Variants in PON3 observed in about 807,000 individuals in gnomAD.
The protein encoded by PON3 is paraoxonase 3.
Under a neutral mutation model 36.3 loss-of-function variants are expected in PON3, and 37 were observed. The ratio of observed to expected loss-of-function variants is 1.02; its 90% CI spans 0.78 to 1.34. PON3 has a LOEUF of 1.34. Among genes scored for constraint, PON3 ranks in the 40% most tolerant of loss-of-function variants. The pLI, the probability that PON3 is intolerant of heterozygous loss-of-function variation, is 0.00. For synonymous variants in PON3, 155 were observed against 154.8 expected (o/e 1.00, Z -0.01); for missense variants, 415 against 426.5 (o/e 0.97, Z 0.24).
chr7:95,376,690 A>G (rs1490643140), intron 3 of PON3, among the ~76,000 whole-genome samples: 1 of 152,192 alleles, frequency 6.6e-6, no homozygotes, highest in Admixed American at 6.5e-5. Flanking sequence ...ACATTATTTC[A>G]CAACAGTAAA....
At chr7:95,390,283 A>G (rs1809291059) in intron 2 of PON3, 74 bp from the exon 3 acceptor site, 1 of 1,197,672 alleles carries the variant, frequency 8.3e-7, no homozygotes, top group African/African-American at 1.5e-5. Context: ...TCCAAACTAC[A>G]AATATCTTTT....
Position 95,390,220 on chromosome 7 carries a change from A to C in PON3, c.146-11T>G, listed in dbSNP as rs1809289311. ...CTTCAGAGCCACTTTCTGCAAAAGA[A>C]GGGTAGAATCAGAAAAATGCATATA... On this transcript the variant is annotated splice_polypyrimidine_tract_variant and intron_variant, in intron 2 of 8. Transcript: ENST00000265627. 1 of 1,606,866 alleles carries C rather than the reference A, an allele frequency of 6.2e-7. No individual in the cohort carries two copies. The highest frequency in any genetic ancestry group is 1.3e-5 in the African/African-American group (1 of 74,770).
At position 95,365,559 on chromosome 7, in the gene PON3, G is replaced by A. The variant is rs573233859; in HGVS notation, c.495-1496C>T. On this transcript the variant is annotated intron_variant, in intron 5 of 8. Coordinates refer to ENST00000265627, the MANE Select transcript of PON3 (RefSeq NM_000940.3). ...GAGGATAAGTCCATGATTTCAAGCA[G>A]TCAGTTAGCAGCGGTTGGCTTAATG... 6.6e-5 allele frequency: 10 copies of A among 152,394 alleles called. No homozygotes were observed. In the East Asian group the frequency reaches 1.9e-3, roughly 29 times the overall value. The allele number at this position is 152,394 out of a possible 1,614,324, so 9.4% of individuals were successfully genotyped here. A position where few individuals can be genotyped will look rare whatever the true frequency, so the allele number is the denominator to read the frequency against.
chr7:95,379,116 A>C (rs1470736056), intron 3 of PON3, among the ~76,000 whole-genome samples: 5 of 151,690 alleles, frequency 3.3e-5, no homozygotes, highest in Non-Finnish European at 7.4e-5. Context: ...CTAGTCTCTG[A>C]TAAAACAGAT....
rs566141192 is a variant in PON3 at position 95,371,951 on chromosome 7, G to C, written c.367+222C>G. Reference sequence around the variant, plus strand: ...TGACAGTCAAACAAGAAGACAAGTGGATAGAAGGAAGAGGAGGAGGCCACA... The same window carrying C: ...TGACAGTCAAACAAGAAGACAAGTGCATAGAAGGAAGAGGAGGAGGCCACA... On this transcript the variant is annotated intron_variant, in intron 4 of 8. Coordinates refer to ENST00000265627, the MANE Select transcript of PON3 (RefSeq NM_000940.3). Among the ~76,000 whole-genome samples the C allele has an allele frequency of 1.9e-4, 29 of 152,214 alleles. No homozygotes were observed. The South Asian group carries it at 6.0e-3, about 32-fold the overall frequency.
intron 3 of PON3, among the ~76,000 whole-genome samples, chr7:95,381,794 C>T (rs189996991): frequency 6.6e-5 from 10 of 152,208 alleles, no homozygotes; most frequent in Middle Eastern, 3.4e-3. Context: ...GACAGATCAA[C>T]GAGACAGAAA....
At chr7:95,370,196 A>G (rs535249648) in intron 4 of PON3, among the ~76,000 whole-genome samples, 12 of 152,318 alleles carry the variant, frequency 7.9e-5, no homozygotes, top group African/African-American at 2.9e-4. Flanking sequence ...AGAGGGACAT[A>G]ATCAGATTTG....
At position 95,359,943 on chromosome 7, in the gene PON3, C is replaced by CTTTTTATT; in HGVS notation, c.*29_*30insAATAAAAA. 1 of 1,464,990 alleles carries CTTTTTATT rather than the reference C, an allele frequency of 6.8e-7. No individual in the cohort carries two copies. Among genetic ancestry groups the CTTTTTATT allele is most frequent in the Non-Finnish European group, 9.3e-7 (1 of 1,080,220 alleles). 90.7% of individuals were successfully genotyped at this position (1,464,990 alleles called of 1,614,324 possible). Reference sequence around the variant, plus strand: ...AGTTTACTTTTACAAAATATGTAGACTTTTTTTTTTTTTTTTTACTATCTA... The same window carrying CTTTTTATT: ...AGTTTACTTTTACAAAATATGTAGACTTTTTATTTTTTTTTTTTTTTTTTTACTATCTA... On this transcript the variant is annotated 3_prime_UTR_variant, in exon 9 of 9. Transcript: ENST00000265627.
intron 8 of PON3, among the ~76,000 whole-genome samples, chr7:95,361,434 C>T (rs1290177096): frequency 6.6e-6 from 1 of 152,062 alleles, no homozygotes; most frequent in Non-Finnish European, 1.5e-5. Context: ...ATTGTACTTT[C>T]TCAATGAGGC....
intron 8 of PON3, among the ~76,000 whole-genome samples, chr7:95,361,429 A>G (rs1808567263): frequency 1.3e-5 from 2 of 152,130 alleles, no homozygotes; most frequent in African/African-American, 4.8e-5. Flanking sequence ...TTCAAATTGT[A>G]CTTTCTCAAT....
chr7:95,371,525 A>G (rs1808808130), intron 4 of PON3, among the ~76,000 whole-genome samples: 1 of 152,076 alleles, frequency 6.6e-6, no homozygotes. Context: ...TCTGGTTTTG[A>G]TTTGTAGTTT....
intron 5 of PON3, 87 bp from the exon 6 acceptor site, chr7:95,364,150 C>T: frequency 9.9e-7 from 1 of 1,014,142 alleles, no homozygotes; most frequent in Non-Finnish European, 1.6e-6. Flanking sequence ...TCTACATAGA[C>T]TAATACGTTC....
intron 5 of PON3, among the ~76,000 whole-genome samples, 155 bp downstream of exon 5, chr7:95,367,207 T>C (rs1364482486): frequency 6.6e-6 from 1 of 152,164 alleles, no homozygotes; most frequent in Admixed American, 6.5e-5. Flanking sequence ...AGTGAGGCGC[T>C]GGGAAGAGTC....
At chr7:95,390,064 G>A (rs1809285221) in intron 3 of PON3, 90 bp downstream of exon 3, 6 of 1,313,136 alleles carry the variant, frequency 4.6e-6, no homozygotes, top group Middle Eastern at 1.8e-4. Context: ...GAGAGCATAG[G>A]GATCCATCTG....
Position 95,362,758 on chromosome 7 carries a change from AC to A in PON3, c.777+1del. The A allele has an allele frequency of 6.2e-7, 1 of 1,602,344 alleles. No individual in the cohort carries two copies. The highest frequency in any genetic ancestry group is 8.6e-7 in the Non-Finnish European group (1 of 1,169,448). On this transcript the variant is annotated splice_donor_variant, in intron 7 of 8. Transcript: ENST00000265627. LOFTEE classifies it high-confidence loss of function. ...TGTGTGGGCCAGACAGGGTACTCTT[AC>A]CTTCAGTTGAGTTAAATCCCAGTTA...
chr7:95,361,250 C>A (rs2116372567), intron 8 of PON3, among the ~76,000 whole-genome samples: 1 of 152,042 alleles, frequency 6.6e-6, no homozygotes, highest in East Asian at 1.9e-4. Flanking sequence ...GAAGCTGTGA[C>A]TAATACATTA....
chr7:95,364,101 G>A, intron 5 of PON3, 38 bp from the exon 6 acceptor site: 3 of 1,496,346 alleles, frequency 2.0e-6, no homozygotes, highest in Non-Finnish European at 2.8e-6. Flanking sequence ...GACCCATGAG[G>A]TATTTAAATA....
chr7:95,372,134 C>T (rs1461279775), intron 4 of PON3, 39 bp downstream of exon 4: 1 of 1,585,732 alleles, frequency 6.3e-7, no homozygotes, highest in Non-Finnish European at 8.7e-7. Context: ...GTTTCTATTT[C>T]CCTCATTTCC....
intron 2 of PON3, among the ~76,000 whole-genome samples, chr7:95,392,732 T>C (rs1019043207): frequency 6.6e-6 from 1 of 152,196 alleles, no homozygotes; most frequent in Non-Finnish European, 1.5e-5. Flanking sequence ...ACACTACGTA[T>C]CATCGAATTA....
Sources: allele counts gnomAD v4.1 joint callset (sites outside exome capture counted in the v4.1 genomes callset), GRCh38; gene constraint gnomAD v4.1.1; transcripts MANE v1.5; gene names NCBI Gene and HGNC (gene_info 2026-07-23, HGNC 2026-07-21).